The following LRP1 variants were observed in gnomAD, a reference collection of about 807,000 sequenced individuals.
The protein encoded by LRP1 is LDL receptor related protein 1.
In LRP1, 51 loss-of-function variants were observed where a neutral mutation model predicts 541.5. The observed-to-expected ratio is 0.09, with a 90% confidence interval of 0.08 to 0.12. LRP1 has a LOEUF of 0.12. Ranked by LOEUF, LRP1 falls within the 10% of genes least tolerant of loss-of-function variation. The probability of loss-of-function intolerance (pLI) is 1.00; values close to 1 mark genes in which losing one functional copy is unlikely to be tolerated. For missense variants in LRP1, 3,878 were observed against 6,376.2 expected (o/e 0.61, Z 13.34); for synonymous variants, 2,219 against 2,470.8 (o/e 0.90, Z 3.02).
intron 23 of LRP1, 31 bp downstream of exon 23, chr12:57,175,736 G>A (rs371428131): frequency 2.3e-5 from 36 of 1,549,128 alleles, no homozygotes; most frequent in Non-Finnish European, 3.0e-5. Flanking sequence ...GGTGGGGCAG[G>A]CCGAGGCAGG....
rs137872862 is a variant in LRP1 at position 57,183,271 on chromosome 12, G to T, written c.5663-108G>T. 1.9e-4 allele frequency: 227 copies of T among 1,166,972 alleles called. No individual in the cohort carries two copies. Among genetic ancestry groups the T allele is most frequent in the South Asian group, 3.0e-4 (21 of 69,524 alleles). 72.3% of individuals were successfully genotyped at this position (1,166,972 alleles called of 1,614,324 possible). A position where few individuals can be genotyped will look rare whatever the true frequency, so the allele number is the denominator to read the frequency against. ...CTGGGTGGAGGATAGGGATGATGGTGGGGGGGGATGATATCAAAGGAGAAG... is the reference window on the plus strand; with the variant it reads ...CTGGGTGGAGGATAGGGATGATGGTTGGGGGGGATGATATCAAAGGAGAAG... On this transcript the variant is annotated intron_variant, in intron 34 of 88. Transcript: ENST00000243077. The surrounding 1 kb of genome is among the most constrained non-coding windows in gnomAD (Gnocchi z 6.1).
At chr12:57,191,935 C>CATACT (rs767251883) in intron 44 of LRP1, among the ~76,000 whole-genome samples, 1 of 4,456 alleles carries the variant, frequency 2.2e-4, no homozygotes, top group Admixed American at 2.5e-3. Flanking sequence ...ACATACCACA[C>CATACT]ACACACCACA....
intron 17 of LRP1, chr12:57,166,484 C>A: frequency 2.3e-6 from 1 of 440,912 alleles, no homozygotes; most frequent in Non-Finnish European, 4.1e-6. Flanking sequence ...TCACTTGAGC[C>A]TGGGAGGTTG....
At position 57,181,228 on chromosome 12, in the gene LRP1, A is replaced by T. The variant is rs2036160117; in HGVS notation, c.5599A>T (p.Thr1867Ser). Residue 1867 changes from threonine (T) to serine (S), a missense_variant, in exon 34 of 89, where the codon ACG (threonine) becomes TCG (serine). By Grantham distance (58) the Thr-to-Ser change is moderately conservative. Transcript: ENST00000243077. ...CCAGCTCTGCCTGCCCACGTCAGAG[A>T]CGACCCGCTCCTGCATGTGCACAGC... ...CSQLCLPTSE[T>S]TRSCMCTAGY... The T allele has an allele frequency of 6.2e-7, 1 of 1,613,556 alleles. No homozygotes were observed. Among genetic ancestry groups the T allele is most frequent in the Non-Finnish European group, 8.5e-7 (1 of 1,180,034 alleles).
intron 20 of LRP1, 68 bp downstream of exon 20, chr12:57,169,375 A>G (rs2035901291): frequency 6.9e-7 from 1 of 1,453,634 alleles, no homozygotes; most frequent in African/African-American, 1.4e-5. Flanking sequence ...CAGCCTATCC[A>G]TCTGTCTTTC....
intron 82 of LRP1, 87 bp downstream of exon 82, chr12:57,210,567 C>T (rs2036889222): frequency 1.4e-6 from 2 of 1,451,932 alleles, no homozygotes; most frequent in Non-Finnish European, 1.9e-6. Flanking sequence ...AAATGCCCAG[C>T]CCCTGCCTCG....
chr12:57,178,225 G>A lies in LRP1; in HGVS notation c.4362-134G>A, dbSNP rs1325649349. 1.9e-6 allele frequency: 2 copies of A among 1,060,996 alleles called. No homozygotes were observed. The highest frequency in any genetic ancestry group is 5.2e-5 in the East Asian group (2 of 38,716). The allele number at this position is 1,060,996 out of a possible 1,614,324, so 65.7% of individuals were successfully genotyped here. On this transcript the variant is annotated intron_variant, in intron 26 of 88. Transcript: ENST00000243077. The surrounding 1 kb of genome is among the most constrained non-coding windows in gnomAD (Gnocchi z 5.8). The stretch of plus-strand genomic sequence containing the variant: ...CTGTCTGTCTGCTCTGGCCAGCAAG[G>A]CTTAGGGGAGGGAATGGTCCCATGC...
intron 1 of LRP1, among the ~76,000 whole-genome samples, chr12:57,129,753 G>A (rs750184657): frequency 7.2e-5 from 11 of 152,138 alleles, no homozygotes; most frequent in Admixed American, 4.6e-4. Flanking sequence ...ATGAAAAAAC[G>A]TCAGATGTCA....
intron 1 of LRP1, 176 bp downstream of exon 1, chr12:57,129,207 G>C: frequency 1.6e-6 from 1 of 641,038 alleles, no homozygotes; most frequent in Non-Finnish European, 2.7e-6. Flanking sequence ...TGGGGGATGG[G>C]GGCCCTGGGC....
In LRP1 at chr12:57,211,126, G is replaced by A; in HGVS notation, c.12917-50G>A. ...AAAAGCTCTGTTCAACCTATGGAGA[G>A]CCCTCATGAGGGTGGGGCTTGAGGC... On this transcript the variant is annotated intron_variant, in intron 83 of 88. Coordinates refer to ENST00000243077, the MANE Select transcript of LRP1 (RefSeq NM_002332.3). This position sits in a 1 kb window ranked among gnomAD's most constrained non-coding sequence, Gnocchi z 4.3. 1 of 1,582,616 alleles carries A rather than the reference G, an allele frequency of 6.3e-7. No homozygotes were observed.
rs1471299243 is a variant in LRP1 at position 57,211,837 on chromosome 12, G to A, written c.13258+23G>A. On this transcript the variant is annotated intron_variant, in intron 86 of 88. Transcript: ENST00000243077. The surrounding 1 kb of genome is among the most constrained non-coding windows in gnomAD (Gnocchi z 4.3). Reference sequence around the variant, plus strand: ...GACGTAGGTGGCAGGGGTTGGGGCAGGCAGGGCCACCGGGACCTAGAGCAG... The same window carrying A: ...GACGTAGGTGGCAGGGGTTGGGGCAAGCAGGGCCACCGGGACCTAGAGCAG... The A allele has an allele frequency of 1.2e-6, 2 of 1,612,900 alleles. No homozygotes were observed. The highest frequency in any genetic ancestry group is 1.1e-5 in the South Asian group (1 of 91,072).
chr12:57,153,929 G>A (rs1367122411), intron 6 of LRP1, among the ~76,000 whole-genome samples: 2 of 151,598 alleles, frequency 1.3e-5, no homozygotes, highest in East Asian at 1.9e-4. Flanking sequence ...AAAAAAAACT[G>A]GACTGAGCTA....
intron 45 of LRP1, 84 bp downstream of exon 45, chr12:57,193,054 C>T (rs2136725300): frequency 1.9e-6 from 3 of 1,586,500 alleles, no homozygotes; most frequent in Non-Finnish European, 2.6e-6. Context: ...TGCTCCAGCC[C>T]AGCCCCCCAA....
intron 34 of LRP1, among the ~76,000 whole-genome samples, chr12:57,182,533 A>G (rs2036185073): frequency 6.7e-6 from 1 of 148,402 alleles, no homozygotes; most frequent in African/African-American, 2.5e-5. Flanking sequence ...AAAAAAAAAA[A>G]AGAGCCAGGT....
At chr12:57,176,354 C>G (rs2036046334) in intron 24 of LRP1, among the ~76,000 whole-genome samples, 1 of 152,248 alleles carries the variant, frequency 6.6e-6, no homozygotes, top group African/African-American at 2.4e-5. Context: ...GAGCTCTGCT[C>G]CCCAGATCTA....
chr12:57,163,073 CAG>C (rs1051541392), intron 15 of LRP1, 90 bp downstream of exon 15: 62 of 1,477,730 alleles, frequency 4.2e-5, no homozygotes, highest in Non-Finnish European at 5.3e-5. Flanking sequence ...GGGTCCCAGT[CAG>C]AGATTAAGGA....
At chr12:57,191,973 A>ACACACCACACC (rs1565744240) in intron 44 of LRP1, among the ~76,000 whole-genome samples, 1 of 62,392 alleles carries the variant, frequency 1.6e-5, no homozygotes, top group East Asian at 5.4e-4. Context: ...CACACCACAC[A>ACACACCACACC]TGACACATAC....
intron 18 of LRP1, 58 bp from the exon 19 acceptor site, chr12:57,167,386 G>C: frequency 7.9e-7 from 1 of 1,268,474 alleles, no homozygotes; most frequent in South Asian, 1.2e-5. Context: ...CACCTGCCCA[G>C]TACTGTGATG....
intron 55 of LRP1, among the ~76,000 whole-genome samples, chr12:57,196,548 C>T (rs1405583452): frequency 2.6e-5 from 4 of 152,096 alleles, no homozygotes; most frequent in Non-Finnish European, 5.9e-5. Flanking sequence ...GAGGCCCAGG[C>T]TGGAGAGGGA....
Sources: gnomAD v4.1 joint callset for allele counts (sites outside exome capture counted in the v4.1 genomes callset) on GRCh38, gnomAD v4.1.1 for gene constraint, Gnocchi (gnomAD v3.1) non-coding constraint, MANE v1.5 for transcripts, NCBI Gene and HGNC (gene_info 2026-07-23, HGNC 2026-07-21) for gene names.